RIPOR3: variants seen among roughly 807,000 people sequenced by gnomAD.
RIPOR3 encodes family with sequence similarity 65 member C.
RIPOR3 carries 95 observed loss-of-function variants against 114.3 expected under a neutral mutation model. The observed-to-expected ratio is 0.83, with a 90% CI of 0.70 to 0.99. RIPOR3 has a LOEUF of 0.99. Ranked by LOEUF, RIPOR3 falls within the 50% of genes least tolerant of loss-of-function variation. The probability of loss-of-function intolerance (pLI) is 0.00; values close to 1 mark genes in which losing one functional copy is unlikely to be tolerated. For synonymous variants in RIPOR3, 575 were observed against 543.8 expected, an observed-to-expected ratio of 1.06 and a Z score of -0.80; for missense variants, 1,252 against 1,266.9, an observed-to-expected ratio of 0.99 and a Z score of 0.18.
chr20:50,631,713 G>A (rs6122955), intron 1 of RIPOR3, among the ~76,000 whole-genome samples: 31,180 of 152,168 alleles, frequency 0.2, 3,378 homozygotes, highest in East Asian at 0.28. Flanking sequence ...TCTCCGACCC[G>A]CCCTGCAATG....
rs534286175 is a variant in RIPOR3 at position 50,666,183 on chromosome 20, A to ATTTCTTTTTTCTTTTCT, written c.3+24942_3+24943insAGAAAAGAAAAAAGAAA. On this transcript the variant is annotated intron_variant, in intron 1 of 21. Transcript: ENST00000327979. ...CCTAGAATACAGAGAAAGGACACCC[A>ATTTCTTTTTTCTTTTCT]TTTCTTTTCTTTTCTTTTCTTTTCT... is the stretch of plus-strand genomic sequence containing the variant. Among the ~76,000 whole-genome samples, 55 of 43,762 alleles carry ATTTCTTTTTTCTTTTCT rather than the reference A, an allele frequency of 1.3e-3. 10 individuals carry two copies. The highest frequency in any genetic ancestry group is 4.2e-3 in the South Asian group (3 of 710). 28.7% of individuals were successfully genotyped at this position (43,762 alleles called of 152,430 possible).
chr20:50,616,293 C>A (rs78817384), intron 3 of RIPOR3, among the ~76,000 whole-genome samples: 1,601 of 152,246 alleles, frequency 0.011, 28 homozygotes, highest in East Asian at 0.079. Context: ...ATTCCCCCAC[C>A]AGGCCCACAA....
chr20:50,625,522 G>A (rs554533281), intron 2 of RIPOR3, among the ~76,000 whole-genome samples: 8 of 152,314 alleles, frequency 5.3e-5, no homozygotes, highest in Non-Finnish European at 1.2e-4. Flanking sequence ...AGGCAGGGCT[G>A]GATATGAGCC....
rs1166823803 is a variant in RIPOR3 at position 50,685,008 on chromosome 20, G to A, written c.3+6118C>T. On this transcript the variant is annotated intron_variant, in intron 1 of 21. Coordinates refer to ENST00000327979, the MANE Select transcript of RIPOR3 (RefSeq NM_001290268.2). The stretch of plus-strand genomic sequence containing the variant: ...TTGACCAGGCTGGTCTTGAACTCCT[G>A]GTCTCAAGCGATCCTCCTGCCTTGG... Among the ~76,000 whole-genome samples, 3 of 152,102 alleles carry A rather than the reference G, an allele frequency of 2.0e-5. No homozygotes were observed. The East Asian group carries it at 5.8e-4, about 29-fold the overall frequency.
chr20:50,595,106 G>A (rs6091180), intron 16 of RIPOR3: 417,742 of 534,350 alleles, frequency 0.78, 164,570 homozygotes, highest in African/African-American at 0.91. Flanking sequence ...CTCCTCCTAT[G>A]CAGATAGGGA....
chr20:50,667,239 C>G (rs1022542695), intron 1 of RIPOR3, among the ~76,000 whole-genome samples: 7 of 151,632 alleles, frequency 4.6e-5, no homozygotes, highest in African/African-American at 1.7e-4. Context: ...CTGGCCTTGT[C>G]CTTGAACATT....
intron 1 of RIPOR3, among the ~76,000 whole-genome samples, chr20:50,657,719 C>T (rs1326940984): frequency 6.7e-6 from 1 of 150,338 alleles, no homozygotes; most frequent in Non-Finnish European, 1.5e-5. Context: ...GTGTTTACTA[C>T]ATGCCAAGCA....
chr20:50,608,929 G>T lies in RIPOR3; in HGVS notation c.667C>A (p.Pro223Thr). ...GGCCGTACCTCATAGTGGTCTCCGGGACAGAGGCGTGCGTAGCCCACCAAG... is the reference window on the plus strand; with the variant it reads ...GGCCGTACCTCATAGTGGTCTCCGGTACAGAGGCGTGCGTAGCCCACCAAG... ...KGLVGYARLC[P>T]GDHYEVLMRL... The change falls in exon 9 of 22, where the codon CCC (proline) becomes ACC (threonine). Residue 223 changes from proline (P) to threonine (T), a missense_variant. Transcript: ENST00000327979. 6.3e-7 allele frequency: 1 copy of T among 1,591,196 alleles called. No individual in the cohort carries two copies. The highest frequency in any genetic ancestry group is 8.6e-7 in the Non-Finnish European group (1 of 1,169,400).
At position 50,619,836 on chromosome 20, in the gene RIPOR3, C is replaced by T. The variant is rs2084329974; in HGVS notation, c.269+150G>A. 5 of 1,067,388 alleles carry T rather than the reference C, an allele frequency of 4.7e-6. No individual in the cohort carries two copies. The Admixed American group carries it at 1.2e-4, about 26-fold the overall frequency. 66.1% of individuals were successfully genotyped at this position (1,067,388 alleles called of 1,614,324 possible). ...GACCGGGCTGAGCACGCGGCTGCAC[C>T]CTGACATACTTGCTTACTAAACGAA... On this transcript the variant is annotated intron_variant, in intron 3 of 21. Coordinates refer to ENST00000327979, the MANE Select transcript of RIPOR3 (RefSeq NM_001290268.2).
chr20:50,594,544 G>T lies in RIPOR3; in HGVS notation c.2212+9C>A. 4 of 1,611,854 alleles carry T rather than the reference G, an allele frequency of 2.5e-6. No homozygotes were observed. The highest frequency in any genetic ancestry group is 3.4e-6 in the Non-Finnish European group (4 of 1,178,356). On this transcript the variant is annotated intron_variant, in intron 17 of 21. Coordinates refer to ENST00000327979, the MANE Select transcript of RIPOR3 (RefSeq NM_001290268.2). ...GTGGGAGGGGACGACAGGACAGAAG[G>T]GAACCCACCTATTTCCAGCTGTCCT...
intron 1 of RIPOR3, among the ~76,000 whole-genome samples, chr20:50,661,723 A>G (rs1364518711): frequency 6.6e-6 from 1 of 152,198 alleles, no homozygotes; most frequent in Non-Finnish European, 1.5e-5. Context: ...GGGTGAAGCC[A>G]GGACTCCTGA....
chr20:50,677,389 T>A lies in RIPOR3; in HGVS notation c.3+13737A>T, dbSNP rs1370388614. ...TTACTTTTTTTTTTTTTTTTTTTTT[T>A]AGACCGAGTTCTGCTCTTGTTGCCC... On this transcript the variant is annotated intron_variant, in intron 1 of 21. Transcript: ENST00000327979. 1.8e-4 allele frequency among the ~76,000 whole-genome samples: 17 copies of A among 93,788 alleles called. No individual in the cohort carries two copies. The South Asian group carries it at 4.6e-3, about 25-fold the overall frequency. The allele number at this position is 93,788 out of a possible 152,430, so 61.5% of individuals were successfully genotyped here. A position where few individuals can be genotyped will look rare whatever the true frequency, so the allele number is the denominator to read the frequency against.
intron 14 of RIPOR3, 47 bp downstream of exon 14, chr20:50,597,533 G>C: frequency 6.4e-7 from 1 of 1,570,244 alleles, no homozygotes; most frequent in South Asian, 1.2e-5. Context: ...GGGTCACCCG[G>C]TGGGAGTGGT....
rs1355476905 is a variant in RIPOR3, at chr20:50,621,091, C to T, written c.123-959G>A. On this transcript the variant is annotated intron_variant, in intron 2 of 21. Coordinates refer to ENST00000327979, the MANE Select transcript of RIPOR3 (RefSeq NM_001290268.2). Reference sequence around the variant, plus strand: ...AGGAAAGACTGAGCCCCCTCCCCTGCCCTCTCCCGGAAATATAGAACAGCT... The same window carrying T: ...AGGAAAGACTGAGCCCCCTCCCCTGTCCTCTCCCGGAAATATAGAACAGCT... The T allele has an allele frequency of 8.2e-6, 3 of 367,932 alleles. No individual in the cohort carries two copies. The East Asian group carries it at 2.4e-4, about 30-fold the overall frequency. The allele number at this position is 367,932 out of a possible 1,614,324, so 22.8% of individuals were successfully genotyped here. A position where few individuals can be genotyped will look rare whatever the true frequency, so the allele number is the denominator to read the frequency against.
intron 2 of RIPOR3, among the ~76,000 whole-genome samples, chr20:50,625,659 C>G (rs770776344): frequency 6.6e-6 from 1 of 152,128 alleles, no homozygotes; most frequent in Non-Finnish European, 1.5e-5. Flanking sequence ...GCTCCTGGCT[C>G]GGGGAGTACC....
At chr20:50,595,621 T>C in intron 15 of RIPOR3, 117 bp from the exon 16 acceptor site, 2 of 1,394,092 alleles carry the variant, frequency 1.4e-6, no homozygotes, top group Admixed American at 2.0e-5. Context: ...GGCAGCTCCC[T>C]GACTGTCATT....
At chr20:50,623,260 T>TAAAAAAA (rs57108911) in intron 2 of RIPOR3, among the ~76,000 whole-genome samples, 1 of 113,268 alleles carries the variant, frequency 8.8e-6, no homozygotes, top group Non-Finnish European at 2.0e-5. Context: ...AACTCTGCCT[T>TAAAAAAA]AAAAAAAAAA....
intron 1 of RIPOR3, among the ~76,000 whole-genome samples, chr20:50,646,069 A>AT (rs1251728183): frequency 5.3e-5 from 8 of 151,962 alleles, no homozygotes; most frequent in Admixed American, 2.0e-4. Flanking sequence ...GAAAAGTCAG[A>AT]TTTTTTTTCA....
intron 17 of RIPOR3, among the ~76,000 whole-genome samples, chr20:50,594,275 CAAAAAA>C (rs35958484): frequency 1.9e-4 from 15 of 77,610 alleles, no homozygotes; most frequent in African/African-American, 6.4e-4. Context: ...GACTCCATCT[CAAAAAA>C]AAAAAAAAAA....
Sources: gnomAD v4.1 joint callset for allele counts (sites outside exome capture counted in the v4.1 genomes callset) on GRCh38, gnomAD v4.1.1 for gene constraint, MANE v1.5 for transcripts, NCBI Gene and HGNC (gene_info 2026-07-23, HGNC 2026-07-21) for gene names.